Variants in TECPR2 observed in about 807,000 individuals in gnomAD.
The protein encoded by TECPR2 is tectonin beta-propeller repeat-containing protein 2.
In TECPR2, 65 loss-of-function variants were observed where a neutral mutation model predicts 138.1. The ratio of observed to expected loss-of-function variants is 0.47; its 90% CI spans 0.39 to 0.58. TECPR2 has a LOEUF of 0.58. Among genes scored for constraint, TECPR2 ranks in the 20% least tolerant of loss-of-function variants. The pLI is 0.00. For synonymous variants in TECPR2, 746 were observed against 749.8 expected (o/e 0.99, Z 0.08); for missense variants, 1,553 against 1,824.5 (o/e 0.85, Z 2.71).
At chr14:102,382,943 A>G (rs1437362231) in intron 2 of TECPR2, among the ~76,000 whole-genome samples, 1 of 152,008 alleles carries the variant, frequency 6.6e-6, no homozygotes, top group Non-Finnish European at 1.5e-5. Context: ...TTTTTAGTAG[A>G]GATGGGGTTT....
chr14:102,486,996 C>T (rs976346725), intron 17 of TECPR2, among the ~76,000 whole-genome samples: 3 of 152,188 alleles, frequency 2.0e-5, no homozygotes, highest in Admixed American at 6.5e-5. Flanking sequence ...CCAACCCACA[C>T]GCCTCAGCGC....
intron 6 of TECPR2, 100 bp from the exon 7 acceptor site, chr14:102,428,150 T>C: frequency 7.2e-7 from 1 of 1,389,282 alleles, no homozygotes. Context: ...AGTTATCATT[T>C]GACTGATTTG....
At chr14:102,373,974 G>A (rs1282973209) in intron 1 of TECPR2, among the ~76,000 whole-genome samples, 2 of 151,460 alleles carry the variant, frequency 1.3e-5, no homozygotes, top group African/African-American at 4.9e-5. Flanking sequence ...CCACCTACTC[G>A]GGAGGCTGAG....
rs1372511642 is a variant in TECPR2, at chr14:102,393,624, TC to T, written c.220-13713del. Among the ~76,000 whole-genome samples, 4 of 152,286 alleles carry T rather than the reference TC, an allele frequency of 2.6e-5. No individual in the cohort carries two copies. In the East Asian group the frequency reaches 7.7e-4, roughly 29 times the overall value. ...CCCAGACTGGAGTGCAGTGGCATGA[TC>T]TTGGCTCACTGCAACCTCCGCCTCC... On this transcript the variant is annotated intron_variant, in intron 2 of 19. Transcript: ENST00000359520.
At chr14:102,432,772 G>C (rs1017960919) in intron 8 of TECPR2, among the ~76,000 whole-genome samples, 2 of 151,902 alleles carry the variant, frequency 1.3e-5, no homozygotes, top group African/African-American at 4.8e-5. Flanking sequence ...TTGGGAGGCC[G>C]AGGCAGGCGG....
At position 102,371,167 on chromosome 14, in the gene TECPR2, C is replaced by T. The variant is rs545858502; in HGVS notation, c.-72-5483C>T. Among the ~76,000 whole-genome samples, 8 of 152,132 alleles carry T rather than the reference C, an allele frequency of 5.3e-5. No homozygotes were observed. The East Asian group carries it at 9.7e-4, about 18-fold the overall frequency. ...AGCCACTCATTGTGCAGTTCTTCCTCGGTGGAAAGAGGGTCAGTTCTGTGG... is the reference window on the plus strand; with the variant it reads ...AGCCACTCATTGTGCAGTTCTTCCTTGGTGGAAAGAGGGTCAGTTCTGTGG... On this transcript the variant is annotated intron_variant, in intron 1 of 19. Transcript: ENST00000359520.
At position 102,443,401 on chromosome 14, in the gene TECPR2, A is replaced by T. The variant is rs1278757489; in HGVS notation, c.2753-246A>T. ...CAGGGCAGCTCCTGCCTGTAATCCC[A>T]GCACTTTGGGAGGCTGAGGTGGGAG... is the stretch of plus-strand genomic sequence containing the variant. On this transcript the variant is annotated intron_variant, in intron 11 of 19. Transcript: ENST00000359520. This position sits in a 1 kb window ranked among gnomAD's most constrained non-coding sequence, Gnocchi z 4.9. Among the ~76,000 whole-genome samples the T allele has an allele frequency of 6.6e-6, 1 of 152,214 alleles. No individual in the cohort carries two copies. The highest frequency in any genetic ancestry group is 1.5e-5 in the Non-Finnish European group (1 of 68,040).
chr14:102,377,562 T>C (rs1196613123), intron 2 of TECPR2, among the ~76,000 whole-genome samples: 2 of 152,118 alleles, frequency 1.3e-5, no homozygotes, highest in African/African-American at 4.8e-5. Flanking sequence ...AAAAATTAGC[T>C]GGGCGTGGTG....
At chr14:102,452,652 T>G in intron 16 of TECPR2, 25 bp downstream of exon 16, 1 of 1,538,782 alleles carries the variant, frequency 6.5e-7, no homozygotes, top group Non-Finnish European at 8.8e-7. Flanking sequence ...TGAGTACACC[T>G]GCCGGTGCCC....
intron 17 of TECPR2, among the ~76,000 whole-genome samples, chr14:102,493,836 G>A (rs147510515): frequency 9.8e-4 from 149 of 152,336 alleles, no homozygotes; most frequent in African/African-American, 3.2e-3. Flanking sequence ...GAGGTTCTGC[G>A]TGGAAAGTGG....
intron 19 of TECPR2, 55 bp from the exon 20 acceptor site, chr14:102,498,048 C>CCCAAGCTCCCAGCTCCATCTGTGA: frequency 2.5e-6 from 4 of 1,582,710 alleles, no homozygotes; most frequent in East Asian, 2.2e-5. Context: ...TCCATCTGTG[C>CCCAAGCTCCCAGCTCCATCTGTGA]CCACCCCACA....
intron 17 of TECPR2, among the ~76,000 whole-genome samples, chr14:102,479,786 C>G (rs758415053): frequency 5.9e-5 from 9 of 152,242 alleles, no homozygotes; most frequent in Non-Finnish European, 8.8e-5. Flanking sequence ...TCCAACCTCA[C>G]TGAGCCAGCG....
At chr14:102,474,714 G>A (rs1180025788) in intron 17 of TECPR2, among the ~76,000 whole-genome samples, 1 of 152,090 alleles carries the variant, frequency 6.6e-6, no homozygotes, top group Non-Finnish European at 1.5e-5. Context: ...TTCATGATCA[G>A]GGAGAAAAAT....
chr14:102,447,254 C>T (rs1890008029), intron 13 of TECPR2, among the ~76,000 whole-genome samples: 1 of 151,994 alleles, frequency 6.6e-6, no homozygotes, highest in Non-Finnish European at 1.5e-5. Flanking sequence ...GTAGCTGGGA[C>T]CACAGGCACA....
At chr14:102,412,790 G>A (rs1029631089) in intron 4 of TECPR2, among the ~76,000 whole-genome samples, 9 of 152,118 alleles carry the variant, frequency 5.9e-5, no homozygotes, top group Admixed American at 3.3e-4. Flanking sequence ...GCAGAAGGGA[G>A]AATACAAAAG....
chr14:102,448,659 A>C (rs1890053428), intron 13 of TECPR2, among the ~76,000 whole-genome samples: 1 of 152,126 alleles, frequency 6.6e-6, no homozygotes, highest in South Asian at 2.1e-4. Flanking sequence ...TGAGGTCAGG[A>C]GTTCAAGACC....
At chr14:102,384,846 C>CTTTTTTT (rs58616138) in intron 2 of TECPR2, among the ~76,000 whole-genome samples, 4 of 99,402 alleles carry the variant, frequency 4.0e-5, no homozygotes, top group African/African-American at 8.6e-5. Context: ...TTTTCCTTTC[C>CTTTTTTT]TTTTTTTTTT....
chr14:102,440,391 A>C (rs1889796412), intron 10 of TECPR2, 45 bp from the exon 11 acceptor site: 1 of 1,600,914 alleles, frequency 6.2e-7, no homozygotes, highest in Non-Finnish European at 8.5e-7. Flanking sequence ...ATAGAAATAT[A>C]TTCTAGTATT....
At chr14:102,381,077 C>T (rs1567316501) in intron 2 of TECPR2, among the ~76,000 whole-genome samples, 1 of 151,872 alleles carries the variant, frequency 6.6e-6, no homozygotes, top group Admixed American at 6.6e-5. Flanking sequence ...TCTCCTGCCT[C>T]AGCCTCCCTT....
Sources: allele counts gnomAD v4.1 joint callset (sites outside exome capture counted in the v4.1 genomes callset), GRCh38; gene constraint gnomAD v4.1.1; non-coding constraint Gnocchi (gnomAD v3.1); transcripts MANE v1.5; gene names NCBI Gene and HGNC (gene_info 2026-07-23, HGNC 2026-07-21).